Variants in CIAPIN1 observed in about 807,000 individuals in gnomAD.
The protein encoded by CIAPIN1 is cytokine induced apoptosis inhibitor 1, also known as anamorsin.
In CIAPIN1, 18 loss-of-function variants were observed where a neutral mutation model predicts 34.3. The observed-to-expected ratio is 0.52, with a 90% CI of 0.36 to 0.78. The LOEUF (loss-of-function observed/expected upper bound fraction) is 0.78. Among genes scored for constraint, CIAPIN1 ranks in the 30% least tolerant of loss-of-function variants. The probability of loss-of-function intolerance (pLI) is 0.00; values close to 1 mark genes in which losing one functional copy is unlikely to be tolerated. For synonymous variants in CIAPIN1, 131 were observed against 140.4 expected (o/e 0.93, Z 0.47); for missense variants, 310 against 372.5 (o/e 0.83, Z 1.38).
chr16:57,437,291 T>C (rs1366205611), intron 3 of CIAPIN1, among the ~76,000 whole-genome samples: 1 of 152,182 alleles, frequency 6.6e-6, no homozygotes, highest in Non-Finnish European at 1.5e-5. Context: ...TTACATGAGA[T>C]ACTAAGCACT....
At chr16:57,437,510 A>T in intron 3 of CIAPIN1, among the ~76,000 whole-genome samples, 2 of 146,726 alleles carry the variant, frequency 1.4e-5, no homozygotes, top group Admixed American at 1.4e-4. Flanking sequence ...TAGTGATATT[A>T]TTTTATTATT....
intron 6 of CIAPIN1, 86 bp from the exon 7 acceptor site, chr16:57,431,352 T>A (rs1406927251): frequency 2.3e-6 from 2 of 870,572 alleles, no homozygotes; most frequent in Non-Finnish European, 1.8e-6. Flanking sequence ...GAGAGGAAAC[T>A]TGGAGTCCAG....
At chr16:57,433,284 T>G (rs1211043118) in intron 5 of CIAPIN1, among the ~76,000 whole-genome samples, 1 of 152,180 alleles carries the variant, frequency 6.6e-6, no homozygotes, top group Non-Finnish European at 1.5e-5. Context: ...CCTCTAGTGA[T>G]CATTGTCACA....
chr16:57,429,000 A>T lies in CIAPIN1; in HGVS notation c.*170T>A, dbSNP rs1346826162. On this transcript the variant is annotated 3_prime_UTR_variant, in exon 9 of 9. Transcript: ENST00000394391. ...CCTTGGTCTTTTGATACACAGCAGC[A>T]CTACACACCACTGTGCCCCCCAGCC... 8.4e-6 allele frequency: 5 copies of T among 596,394 alleles called. No individual in the cohort carries two copies. The highest frequency in any genetic ancestry group is 1.2e-5 in the Non-Finnish European group (4 of 331,776). 36.9% of individuals were successfully genotyped at this position (596,394 alleles called of 1,614,324 possible).
intron 3 of CIAPIN1, 97 bp from the exon 4 acceptor site, chr16:57,436,829 T>C: frequency 1.1e-6 from 1 of 911,444 alleles, no homozygotes; most frequent in Non-Finnish European, 1.7e-6. Context: ...ATTCAAACAA[T>C]AATAACCAGG....
At chr16:57,432,615 T>C in intron 5 of CIAPIN1, 55 bp from the exon 6 acceptor site, 1 of 1,475,372 alleles carries the variant, frequency 6.8e-7, no homozygotes, top group South Asian at 1.1e-5. Context: ...AAACTATTAA[T>C]TACAAACATA....
chr16:57,430,221 G>A, intron 8 of CIAPIN1, 37 bp downstream of exon 8: 2 of 1,567,858 alleles, frequency 1.3e-6, no homozygotes, highest in Non-Finnish European at 1.8e-6. Flanking sequence ...ATCCCCCTGG[G>A]GGTTTGTGAA....
At chr16:57,430,382 C>T in intron 7 of CIAPIN1, 43 bp from the exon 8 acceptor site, 1 of 1,584,720 alleles carries the variant, frequency 6.3e-7, no homozygotes, top group Non-Finnish European at 8.7e-7. Flanking sequence ...TTGTCACCAC[C>T]CAGAAATCCC....
intron 1 of CIAPIN1, among the ~76,000 whole-genome samples, chr16:57,445,411 G>A (rs913803565): frequency 2.0e-5 from 3 of 152,160 alleles, no homozygotes; most frequent in Non-Finnish European, 4.4e-5. Flanking sequence ...GTAGACTGAG[G>A]TAGGCAGAAT....
At chr16:57,436,845 G>A (rs532132224) in intron 3 of CIAPIN1, 113 bp from the exon 4 acceptor site, 47 of 698,756 alleles carry the variant, frequency 6.7e-5, no homozygotes, top group Non-Finnish European at 9.7e-5. Flanking sequence ...CCAGGTGGGC[G>A]TGGTGGCTCA....
At position 57,443,311 on chromosome 16, in the gene CIAPIN1, G is replaced by A. The variant is rs543274744; in HGVS notation, c.-55-2328C>T. 7.9e-5 allele frequency among the ~76,000 whole-genome samples: 12 copies of A among 151,942 alleles called. No homozygotes were observed. The South Asian group carries it at 2.3e-3, about 29-fold the overall frequency. On this transcript the variant is annotated intron_variant, in intron 1 of 8. Coordinates refer to ENST00000394391, the MANE Select transcript of CIAPIN1 (RefSeq NM_020313.4). ...TGCACCACCATGCCCGTCTACTTTT[G>A]TATTTTTTTAGTAGACGGGGTTTCT... is the stretch of plus-strand genomic sequence containing the variant.
chr16:57,431,731 A>G (rs1903092330), intron 6 of CIAPIN1, among the ~76,000 whole-genome samples: 1 of 152,236 alleles, frequency 6.6e-6, no homozygotes, highest in South Asian at 2.1e-4. Flanking sequence ...GTAGACACTT[A>G]GTCTGTAAAC....
chr16:57,433,284 T>C (rs1211043118), intron 5 of CIAPIN1, among the ~76,000 whole-genome samples: 1 of 152,180 alleles, frequency 6.6e-6, no homozygotes, highest in Admixed American at 6.5e-5. Flanking sequence ...CCTCTAGTGA[T>C]CATTGTCACA....
intron 1 of CIAPIN1, 123 bp downstream of exon 1, chr16:57,447,219 G>A (rs1456388342): frequency 2.9e-6 from 1 of 348,874 alleles, no homozygotes; most frequent in Non-Finnish European, 5.1e-6. Flanking sequence ...CGGGGCGGCC[G>A]TGGCTGCGTT....
chr16:57,431,249 A>G lies in CIAPIN1; in HGVS notation c.648T>C (p.Asp216=). Residue 216 remains aspartate, a synonymous_variant, in exon 7 of 9, where the codon GAT becomes GAC. Coordinates refer to ENST00000394391, the MANE Select transcript of CIAPIN1 (RefSeq NM_020313.4). ...EDDSMDLIDS[D]ELLDPEDLKK... Reference sequence around the variant, plus strand: ...TCAAATCTTCTGGATCCAGCAGCTCATCTGAGTCAATGAGATCCTGGAGAG... The same window carrying G: ...TCAAATCTTCTGGATCCAGCAGCTCGTCTGAGTCAATGAGATCCTGGAGAG... The G allele has an allele frequency of 6.2e-7, 1 of 1,612,422 alleles. No homozygotes were observed. The highest frequency in any genetic ancestry group is 8.5e-7 in the Non-Finnish European group (1 of 1,178,586).
rs1201409877 is a variant in CIAPIN1, at chr16:57,440,960, C to T, written c.-32G>A. 1.3e-6 allele frequency: 2 copies of T among 1,597,634 alleles called. No homozygotes were observed. Among genetic ancestry groups the T allele is most frequent in the Non-Finnish European group, 1.7e-6 (2 of 1,174,542 alleles). On this transcript the variant is annotated 5_prime_UTR_variant, in exon 2 of 9. Coordinates refer to ENST00000394391, the MANE Select transcript of CIAPIN1 (RefSeq NM_020313.4). ...AGTGCAGTACTGACAGACCTAAAAA[C>T]TGCTGGCCAAAAGGGAATCAAGACT...
At chr16:57,432,883 C>A (rs1903120831) in intron 5 of CIAPIN1, among the ~76,000 whole-genome samples, 1 of 152,250 alleles carries the variant, frequency 6.6e-6, no homozygotes, top group South Asian at 2.1e-4. Context: ...GCTGAGGAAA[C>A]AGGTTTAGAC....
In CIAPIN1 at chr16:57,434,188, C is replaced by G. The variant is rs779988554; in HGVS notation, c.412G>C (p.Glu138Gln). Residue 138 changes from glutamate to glutamine, a missense_variant, in exon 5 of 9, where the codon GAG (glutamate) becomes CAG (glutamine). Physicochemically the swap from Glu to Gln is conservative, Grantham distance 29. Coordinates refer to ENST00000394391, the MANE Select transcript of CIAPIN1 (RefSeq NM_020313.4). The part of the protein sequence containing the change: ...KELQREPLTP[E>Q]EVQSVREHLG... ...TGTTCTCGAACAGACTGTACTTCCT[C>G]AGGGGTTAGGGGCTCCCGCTGCAGC... 35 of 1,613,978 alleles carry G rather than the reference C, an allele frequency of 2.2e-5. No individual in the cohort carries two copies. In the Admixed American group the frequency reaches 3.7e-4, roughly 17 times the overall value.
At chr16:57,430,481 G>T (rs910776824) in intron 7 of CIAPIN1, 142 bp from the exon 8 acceptor site, 2 of 694,086 alleles carry the variant, frequency 2.9e-6, no homozygotes, top group Non-Finnish European at 2.5e-6. Context: ...GCAGACAGCA[G>T]CAATATGAGA....
Sources: allele counts gnomAD v4.1 joint callset (sites outside exome capture counted in the v4.1 genomes callset), GRCh38; gene constraint gnomAD v4.1.1; transcripts MANE v1.5; gene names NCBI Gene and HGNC (gene_info 2026-07-23, HGNC 2026-07-21).